The following DNPEP variants were observed in gnomAD, a reference collection of about 807,000 sequenced individuals.
DNPEP encodes the protein aspartyl aminopeptidase.
In DNPEP, 46 loss-of-function variants were observed where a neutral mutation model predicts 59.1. That is an observed-to-expected ratio of 0.78 (90% CI 0.61 to 0.99). DNPEP has a LOEUF of 0.99. Ranked by LOEUF, DNPEP falls within the 50% of genes least tolerant of loss-of-function variation. The pLI is 0.00. For synonymous variants in DNPEP, 229 were observed against 242.2 expected, an observed-to-expected ratio of 0.95 and a Z score of 0.50; for missense variants, 617 against 649.9, an observed-to-expected ratio of 0.95 and a Z score of 0.55.
intron 1 of DNPEP, among the ~76,000 whole-genome samples, chr2:219,398,809 A>G (rs1488923602): frequency 1.3e-5 from 2 of 152,184 alleles, no homozygotes; most frequent in Non-Finnish European, 2.9e-5. Flanking sequence ...CCCAAGGGTA[A>G]TGTCTGCCCT....
chr2:219,387,091 G>A lies in DNPEP; in HGVS notation c.109C>T (p.Arg37Trp), dbSNP rs1215001315. The change falls in exon 2 of 15, where the codon CGG (arginine) becomes TGG (tryptophan). Residue 37 changes from arginine (R) to tryptophan (W), a missense_variant. Physicochemically the swap from Arg to Trp is moderately radical, Grantham distance 101. Coordinates refer to ENST00000273075, the MANE Select transcript of DNPEP (RefSeq NM_012100.4). ...AAKELLKFVN[R>W]SPSPFHAVAE... The stretch of plus-strand genomic sequence containing the variant: ...TTACCATGGAAAGGAGAGGGACTCC[G>A]GTTCACGAACTTGAGGAGTTCCTTA... 2.5e-6 allele frequency: 4 copies of A among 1,595,818 alleles called. No homozygotes were observed. Among genetic ancestry groups the A allele is most frequent in the East Asian group, 2.3e-5 (1 of 44,324 alleles).
At chr2:219,375,111 G>T in intron 13 of DNPEP, 89 bp from the exon 14 acceptor site, 1 of 1,414,692 alleles carries the variant, frequency 7.1e-7, no homozygotes. Context: ...AGGGTGGGAA[G>T]GGGCCTGGGA....
chr2:219,375,495 T>G (rs954902449), intron 13 of DNPEP, among the ~76,000 whole-genome samples: 28 of 146,840 alleles, frequency 1.9e-4, no homozygotes, highest in African/African-American at 7.4e-4. Flanking sequence ...TTTAACTAAA[T>G]AAGAATAATT....
intron 10 of DNPEP, 71 bp from the exon 11 acceptor site, chr2:219,382,210 G>A (rs909028043): frequency 1.3e-6 from 2 of 1,527,470 alleles, no homozygotes; most frequent in African/African-American, 1.4e-5. Flanking sequence ...AGTGAGAGGG[G>A]CCCATTGCCC....
At chr2:219,391,142 C>T (rs971468967), upstream of DNPEP, among the ~76,000 whole-genome samples, 1 of 152,166 alleles carries the variant, frequency 6.6e-6, no homozygotes. Context: ...ACATTGTTTC[C>T]CTATGGTATG....
chr2:219,385,164 C>G, intron 8 of DNPEP: 1 of 433,568 alleles, frequency 2.3e-6, no homozygotes, highest in Non-Finnish European at 4.2e-6. Flanking sequence ...GCAGACAGGG[C>G]CCACCTGTAG....
At chr2:219,380,842 T>TACACACACACACTCACACACACAC (rs144730504) in intron 13 of DNPEP, among the ~76,000 whole-genome samples, 1 of 145,682 alleles carries the variant, frequency 6.9e-6, no homozygotes, top group African/African-American at 2.5e-5. Context: ...CATATATATG[T>TACACACACACACTCACACACACAC]ACACACACAC....
intron 13 of DNPEP, among the ~76,000 whole-genome samples, chr2:219,377,092 G>A (rs905828884): frequency 1.3e-5 from 2 of 151,728 alleles, no homozygotes; most frequent in African/African-American, 4.8e-5. Flanking sequence ...TGGCCAATAT[G>A]GTGAAACCCT....
At position 219,373,866 on chromosome 2, in the gene DNPEP, T is replaced by C. The variant is rs1953267928; in HGVS notation, c.*426A>G. On this transcript the variant is annotated 3_prime_UTR_variant, in exon 15 of 15. Coordinates refer to ENST00000273075, the MANE Select transcript of DNPEP (RefSeq NM_012100.4). ...AACAGCTTTGTCTGCCCAGAGCAGC[T>C]CTGAAGGTGGCCCAGTGCAGAACAG... The C allele has an allele frequency of 5.3e-6, 1 of 188,254 alleles. No homozygotes were observed. Among genetic ancestry groups the C allele is most frequent in the African/African-American group, 2.3e-5 (1 of 43,178 alleles). The allele number at this position is 188,254 out of a possible 1,614,324, so 11.7% of individuals were successfully genotyped here.
intron 13 of DNPEP, among the ~76,000 whole-genome samples, chr2:219,377,869 G>A (rs1953435225): frequency 6.6e-6 from 1 of 151,862 alleles, no homozygotes; most frequent in Admixed American, 6.6e-5. Flanking sequence ...GGTGCAGTGA[G>A]CTATGATCAT....
At chr2:219,379,107 G>C (rs750020185) in intron 13 of DNPEP, among the ~76,000 whole-genome samples, 1 of 151,996 alleles carries the variant, frequency 6.6e-6, no homozygotes, top group Admixed American at 6.6e-5. Flanking sequence ...CAGTAGAGAC[G>C]GGGTTTCACC....
intron 1 of DNPEP, chr2:219,399,899 G>C (rs1191613766): frequency 1.0e-5 from 16 of 1,550,422 alleles, no homozygotes; most frequent in Non-Finnish European, 1.2e-5. Context: ...TGTTGGGGAC[G>C]AACATGATGG....
chr2:219,390,435 T>G (rs1243057846), upstream of DNPEP, among the ~76,000 whole-genome samples: 1 of 152,198 alleles, frequency 6.6e-6, no homozygotes, highest in Non-Finnish European at 1.5e-5. Flanking sequence ...TATTGACCAT[T>G]TTTGGTTTGG....
At chr2:219,391,689 A>T (rs1218208032), upstream of DNPEP, among the ~76,000 whole-genome samples, 2 of 152,146 alleles carry the variant, frequency 1.3e-5, no homozygotes, top group African/African-American at 4.8e-5. Flanking sequence ...CGTACTGTAC[A>T]TCTTTGCTAC....
Position 219,381,573 on chromosome 2 carries a change from T to C in DNPEP, c.1109A>G (p.Glu370Gly), listed in dbSNP as rs1953602509. ...AVHPNYLDKH[E>G]ENHRPLFHKG... ...GTGGAATAAAGGCCGGTGGTTCTCC[T>C]CATGCTTGTCCCTGTAAGAGACAGA... The change falls in exon 12 of 15, where the codon GAG becomes GGG. Residue 370 changes from glutamate to glycine, a missense_variant. Physicochemically the swap from Glu to Gly is moderately conservative, Grantham distance 98. Transcript: ENST00000273075. 1 of 1,614,126 alleles carries C rather than the reference T, an allele frequency of 6.2e-7. No homozygotes were observed. Among genetic ancestry groups the C allele is most frequent in the Non-Finnish European group, 8.5e-7 (1 of 1,180,022 alleles).
chr2:219,372,993 T>C lies in DNPEP; in HGVS notation c.*1299A>G, dbSNP rs144736785. On this transcript the variant is annotated 3_prime_UTR_variant, in exon 15 of 15. Coordinates refer to ENST00000273075, the MANE Select transcript of DNPEP (RefSeq NM_012100.4). ...AACTTTTATATAGGTATCAAAAAGA[T>C]TGGAAGGACACCAGTTTGCACAATT... is the stretch of plus-strand genomic sequence containing the variant. Among the ~76,000 whole-genome samples the C allele has an allele frequency of 4.5e-3, 680 of 152,266 alleles. 8 individuals carry two copies. Among genetic ancestry groups the C allele is most frequent in the African/African-American group, 0.012 (483 of 41,554 alleles).
chr2:219,378,052 A>G (rs977907658), intron 13 of DNPEP, among the ~76,000 whole-genome samples: 1 of 152,240 alleles, frequency 6.6e-6, no homozygotes, highest in African/African-American at 2.4e-5. Flanking sequence ...AAGTTTATGC[A>G]TAGAAAAAAA....
Position 219,386,271 on chromosome 2 carries a change from A to C in DNPEP, c.459+15T>G. ...CTTCTGAGGAGGCTCCGCCATCCCC[A>C]ACCTCGGTTCCCACCTTGACAATGA... On this transcript the variant is annotated intron_variant, in intron 5 of 14. Transcript: ENST00000273075. 1 of 1,614,158 alleles carries C rather than the reference A, an allele frequency of 6.2e-7. No homozygotes were observed. Among genetic ancestry groups the C allele is most frequent in the South Asian group, 1.1e-5 (1 of 91,086 alleles).
Position 219,386,794 on chromosome 2 carries a change from G to A in DNPEP, c.220-16C>T, listed in dbSNP as rs1953860913. 1 of 1,610,696 alleles carries A rather than the reference G, an allele frequency of 6.2e-7. No homozygotes were observed. The highest frequency in any genetic ancestry group is 8.5e-7 in the Non-Finnish European group (1 of 1,177,412). On this transcript the variant is annotated splice_polypyrimidine_tract_variant and intron_variant, in intron 3 of 14. Transcript: ENST00000273075. ...TCATGAAGTACTGAGGAGAAGGGGA[G>A]GAAAGACAGGGGTGTGAGTTGCATT...
Sources: gnomAD v4.1 joint callset for allele counts (sites outside exome capture counted in the v4.1 genomes callset) on GRCh38, gnomAD v4.1.1 for gene constraint, MANE v1.5 for transcripts, NCBI Gene and HGNC (gene_info 2026-07-23, HGNC 2026-07-21) for gene names.